TRAPPC9: variants seen among roughly 807,000 people sequenced by gnomAD.
TRAPPC9 encodes trafficking protein particle complex subunit 9, also known as IKK2 binding protein.
Under a neutral mutation model 124.0 loss-of-function variants are expected in TRAPPC9, and 83 were observed. That is an observed-to-expected ratio of 0.67 (90% CI 0.56 to 0.80). TRAPPC9 has a LOEUF of 0.80. Ranked by LOEUF, TRAPPC9 falls within the 30% of genes least tolerant of loss-of-function variation. The pLI is 0.00. For missense variants in TRAPPC9, 1,302 were observed against 1,508.3 expected, an observed-to-expected ratio of 0.86 and a Z score of 2.27; for synonymous variants, 638 against 617.5, an observed-to-expected ratio of 1.03 and a Z score of -0.49.
chr8:140,153,768 C>A (rs2061585857), intron 17 of TRAPPC9, among the ~76,000 whole-genome samples: 2 of 152,178 alleles, frequency 1.3e-5, no homozygotes, highest in Admixed American at 6.5e-5. Flanking sequence ...CTTTCAATAG[C>A]CGCAGATACA....
chr8:140,438,401 T>C (rs1472467178), intron 3 of TRAPPC9, among the ~76,000 whole-genome samples: 2 of 152,194 alleles, frequency 1.3e-5, no homozygotes, highest in African/African-American at 2.4e-5. Flanking sequence ...CGTTTATCCA[T>C]TCATCATGTG....
intron 21 of TRAPPC9, among the ~76,000 whole-genome samples, chr8:139,761,456 C>G (rs1222118137): frequency 6.6e-6 from 1 of 152,208 alleles, no homozygotes; most frequent in Non-Finnish European, 1.5e-5. Context: ...CCTTAGAGTT[C>G]TGGGCGGGAA....
At position 140,207,250 on chromosome 8, in the gene TRAPPC9, G is replaced by A. The variant is rs73364931; in HGVS notation, c.2556+14209C>T. 4.4e-3 allele frequency among the ~76,000 whole-genome samples: 674 copies of A among 152,306 alleles called. 5 individuals carry two copies. The highest frequency in any genetic ancestry group is 0.015 in the African/African-American group (631 of 41,554). ...GGGTAAAAAGCTGAGGTTCATTACA[G>A]ATCTGTTTGAAGCCAAATAAATATA... On this transcript the variant is annotated intron_variant, in intron 17 of 22. Coordinates refer to ENST00000438773, the MANE Select transcript of TRAPPC9 (RefSeq NM_001160372.4).
intron 9 of TRAPPC9, among the ~76,000 whole-genome samples, chr8:140,316,303 G>A (rs1483063085): frequency 3.3e-5 from 5 of 152,094 alleles, no homozygotes; most frequent in Non-Finnish European, 7.4e-5. Flanking sequence ...TCAGAGTCAA[G>A]GAAACTTTTC....
Position 140,128,176 on chromosome 8 carries a change from T to C in TRAPPC9, c.2556+93283A>G, listed in dbSNP as rs144439408. On this transcript the variant is annotated intron_variant, in intron 17 of 22. Transcript: ENST00000438773. The stretch of plus-strand genomic sequence containing the variant: ...GTTTATCTTACTTTCCTGTGGCTCT[T>C]TAGTTGCAGCCTAATTCAGATCACC... 1.8e-3 allele frequency among the ~76,000 whole-genome samples: 274 copies of C among 152,388 alleles called. 1 individual carries two copies. The highest frequency in any genetic ancestry group is 3.1e-3 in the Non-Finnish European group (211 of 68,040).
At chr8:139,836,500 G>A (rs1250869637) in intron 21 of TRAPPC9, among the ~76,000 whole-genome samples, 1 of 152,226 alleles carries the variant, frequency 6.6e-6, no homozygotes, top group Non-Finnish European at 1.5e-5. Context: ...CAAGGTTCGG[G>A]AGGGAGGTAG....
chr8:140,054,638 A>G (rs1404521993), intron 17 of TRAPPC9, among the ~76,000 whole-genome samples: 1 of 152,184 alleles, frequency 6.6e-6, no homozygotes, highest in Non-Finnish European at 1.5e-5. Context: ...AAAATTGACA[A>G]GCCTTTAGTG....
chr8:140,430,161 A>T (rs2070586513), intron 4 of TRAPPC9, among the ~76,000 whole-genome samples: 1 of 152,110 alleles, frequency 6.6e-6, no homozygotes, highest in African/African-American at 2.4e-5. Context: ...AAAAAAAAAA[A>T]ATGTTATCTG....
At chr8:140,230,310 A>C (rs1250676837) in intron 16 of TRAPPC9, among the ~76,000 whole-genome samples, 2 of 152,194 alleles carry the variant, frequency 1.3e-5, no homozygotes, top group Non-Finnish European at 2.9e-5. Flanking sequence ...AAGATGGTTA[A>C]GAAAAAAAAG....
intron 21 of TRAPPC9, among the ~76,000 whole-genome samples, chr8:139,801,800 C>T (rs1264508281): frequency 1.3e-5 from 2 of 152,304 alleles, no homozygotes; most frequent in South Asian, 2.1e-4. Context: ...ACCTCTCAAG[C>T]GCCAATTAGC....
At chr8:139,992,264 A>T (rs1837696218) in intron 18 of TRAPPC9, among the ~76,000 whole-genome samples, 1 of 152,208 alleles carries the variant, frequency 6.6e-6, no homozygotes, top group African/African-American at 2.4e-5. Flanking sequence ...TTCATGGAAC[A>T]ATATTAAAGA....
intron 19 of TRAPPC9, among the ~76,000 whole-genome samples, chr8:139,979,466 G>A (rs553871609): frequency 2.0e-5 from 3 of 152,312 alleles, no homozygotes; most frequent in South Asian, 2.1e-4. Flanking sequence ...GCAGCCTGGC[G>A]TCATGGCTCC....
chr8:140,234,576 G>C (rs2063684564), intron 16 of TRAPPC9, among the ~76,000 whole-genome samples: 1 of 152,212 alleles, frequency 6.6e-6, no homozygotes, highest in South Asian at 2.1e-4. Flanking sequence ...AGAAAAAAAA[G>C]AACTATGACT....
At chr8:139,977,671 TCA>T (rs1836577461) in intron 19 of TRAPPC9, among the ~76,000 whole-genome samples, 1 of 130,242 alleles carries the variant, frequency 7.7e-6, no homozygotes, top group African/African-American at 3.2e-5. Flanking sequence ...CCTCATTCAT[TCA>T]TTCATTCATT....
intron 21 of TRAPPC9, among the ~76,000 whole-genome samples, chr8:139,874,621 G>T (rs1000563877): frequency 6.6e-6 from 1 of 152,228 alleles, no homozygotes. Flanking sequence ...GGGGAGCATG[G>T]CTCACAGGGA....
At position 140,313,920 on chromosome 8, in the gene TRAPPC9, C is replaced by T. The variant is rs543706922; in HGVS notation, c.1496-2546G>A. 4.6e-5 allele frequency among the ~76,000 whole-genome samples: 7 copies of T among 152,270 alleles called. No homozygotes were observed. In the East Asian group the frequency reaches 1.2e-3, roughly 25 times the overall value. On this transcript the variant is annotated intron_variant, in intron 9 of 22. Coordinates refer to ENST00000438773, the MANE Select transcript of TRAPPC9 (RefSeq NM_001160372.4). ...TCAGTGGGGTTTCTAGAGTCAAACG[C>T]TTATGCCCAATTGTCAGCATGGCCC...
chr8:139,825,159 G>A lies in TRAPPC9; in HGVS notation c.3055+60720C>T, dbSNP rs1825535604. Among the ~76,000 whole-genome samples, 1 of 152,186 alleles carries A rather than the reference G, an allele frequency of 6.6e-6. No homozygotes were observed. The highest frequency in any genetic ancestry group is 2.4e-5 in the African/African-American group (1 of 41,464). On this transcript the variant is annotated intron_variant, in intron 21 of 22. Transcript: ENST00000438773. The surrounding 1 kb of genome is among the most constrained non-coding windows in gnomAD (Gnocchi z 4.6). ...GGACTACAGGATTACAGAGGGGTCTGAGAAGGTCTTACTGAGGCATGGGGT... is the reference window on the plus strand; with the variant it reads ...GGACTACAGGATTACAGAGGGGTCTAAGAAGGTCTTACTGAGGCATGGGGT...
intron 5 of TRAPPC9, among the ~76,000 whole-genome samples, chr8:140,425,264 T>G (rs1187191318): frequency 6.6e-6 from 1 of 152,248 alleles, no homozygotes; most frequent in African/African-American, 2.4e-5. Flanking sequence ...CATCTCATTC[T>G]CTTTACTCGC....
At chr8:140,238,790 A>G (rs1050307584) in intron 16 of TRAPPC9, among the ~76,000 whole-genome samples, 1 of 152,206 alleles carries the variant, frequency 6.6e-6, no homozygotes. Flanking sequence ...CTGAAAATTA[A>G]CTTTCCCTGC....
Sources: gnomAD v4.1 joint callset for allele counts (sites outside exome capture counted in the v4.1 genomes callset) on GRCh38, gnomAD v4.1.1 for gene constraint, Gnocchi (gnomAD v3.1) non-coding constraint, MANE v1.5 for transcripts, NCBI Gene and HGNC (gene_info 2026-07-23, HGNC 2026-07-21) for gene names.